Variants in KIAA0232 observed in about 807,000 individuals in gnomAD.
The protein encoded by KIAA0232 is uncharacterized protein KIAA0232.
A neutral mutation model predicts 122.0 loss-of-function variants in KIAA0232; 27 were observed. That is an observed-to-expected ratio of 0.22 (90% confidence interval 0.16 to 0.31). The LOEUF (loss-of-function observed/expected upper bound fraction) is 0.31, where lower values mean the gene tolerates loss of function less well. Among genes scored for constraint, KIAA0232 ranks in the 10% least tolerant of loss-of-function variants. The probability of loss-of-function intolerance (pLI) is 1.00; values close to 1 mark genes in which losing one functional copy is unlikely to be tolerated. For synonymous variants in KIAA0232, 613 were observed against 587.6 expected (o/e 1.04, Z -0.63); for missense variants, 1,551 against 1,634.2 (o/e 0.95, Z 0.88).
Position 6,861,053 on chromosome 4 carries a change from A to G in KIAA0232, c.671A>G (p.Asp224Gly). The G allele has an allele frequency of 6.2e-7, 1 of 1,614,210 alleles. No homozygotes were observed. Among genetic ancestry groups the G allele is most frequent in the Non-Finnish European group, 8.5e-7 (1 of 1,180,040 alleles). ...PASTDTSSPKDCNSESEVTKE... is the reference protein window; with the variant it reads ...PASTDTSSPKGCNSESEVTKE... ...AGCACAGATACTTCCTCTCCTAAGG[A>G]CTGCAACAGTGAAAGTGAAGTCACC... Residue 224 changes from aspartate (D) to glycine (G), a missense_variant, in exon 7 of 10, where the codon GAC becomes GGC. Asp to Gly is a moderately conservative substitution (Grantham distance 94, BLOSUM62 -1). Transcript: ENST00000307659.
At chr4:6,793,628 G>A (rs976318937) in intron 1 of KIAA0232, among the ~76,000 whole-genome samples, 1 of 67,816 alleles carries the variant, frequency 1.5e-5, no homozygotes, top group African/African-American at 3.9e-5. Flanking sequence ...AGGATTATTT[G>A]GTGCTTTCTT....
chr4:6,853,842 A>T (rs961342217), intron 4 of KIAA0232, among the ~76,000 whole-genome samples: 3 of 152,208 alleles, frequency 2.0e-5, no homozygotes, highest in Non-Finnish European at 4.4e-5. Context: ...AAGTGATAGG[A>T]ATTTGTCAGG....
chr4:6,789,765 G>A (rs1223938972), intron 1 of KIAA0232, among the ~76,000 whole-genome samples: 3 of 152,156 alleles, frequency 2.0e-5, no homozygotes, highest in Non-Finnish European at 4.4e-5. Context: ...ATGCTGGCTT[G>A]CCTATAATTC....
chr4:6,863,710 C>T lies in KIAA0232; in HGVS notation c.3328C>T (p.Pro1110Ser). ...GATCTCTCCTCGGACTCACTTTCGC[C>T]CAATTTCTGCATCCGAACTGTCCCC... is the stretch of plus-strand genomic sequence containing the variant. ...IRISPRTHFR[P>S]ISASELSPGG... The change falls in exon 7 of 10, where the codon CCA becomes TCA. Residue 1110 changes from proline (P) to serine (S), a missense_variant. By Grantham distance (74) the Pro-to-Ser change is moderately conservative (BLOSUM62 -1). This residue lies in a region of KIAA0232 where 1,108 missense variants were observed against 1,154.8 expected (regional missense o/e 0.96). Transcript: ENST00000307659. The T allele has an allele frequency of 3.1e-6, 5 of 1,614,126 alleles. No individual in the cohort carries two copies. The highest frequency in any genetic ancestry group is 4.2e-6 in the Non-Finnish European group (5 of 1,180,020).
chr4:6,846,390 C>G (rs1274907475), intron 4 of KIAA0232, among the ~76,000 whole-genome samples: 1 of 152,158 alleles, frequency 6.6e-6, no homozygotes, highest in South Asian at 2.1e-4. Flanking sequence ...GAACAGCGAG[C>G]AAGCTTTACC....
At chr4:6,818,804 TC>T (rs1718269740) in intron 2 of KIAA0232, among the ~76,000 whole-genome samples, 1 of 151,752 alleles carries the variant, frequency 6.6e-6, no homozygotes, top group South Asian at 2.1e-4. Flanking sequence ...ACTAGTGGTT[TC>T]GTGTTACCTG....
intron 7 of KIAA0232, among the ~76,000 whole-genome samples, chr4:6,865,069 A>G (rs1037348155): frequency 6.6e-6 from 1 of 151,498 alleles, no homozygotes; most frequent in Admixed American, 6.7e-5. Flanking sequence ...TGTGGATTAT[A>G]TGTTAAGGCT....
Position 6,863,360 on chromosome 4 carries a change from T to G in KIAA0232, c.2978T>G (p.Phe993Cys). The change falls in exon 7 of 10, where the codon TTC (phenylalanine) becomes TGC (cysteine). Residue 993 changes from phenylalanine (F) to cysteine (C), a missense_variant. Transcript: ENST00000307659. Reference sequence around the variant, plus strand: ...GGGCACAGGCAGTTATGGAAACCCTTCGTGTCATTTGAACAGAATGATCAG... The same window carrying G: ...GGGCACAGGCAGTTATGGAAACCCTGCGTGTCATTTGAACAGAATGATCAG... ...APGHRQLWKP[F>C]VSFEQNDQPK... The G allele has an allele frequency of 1.4e-5, 23 of 1,614,182 alleles. No homozygotes were observed. The highest frequency in any genetic ancestry group is 1.9e-5 in the Non-Finnish European group (22 of 1,180,038).
chr4:6,821,266 G>T (rs987336778), intron 2 of KIAA0232, among the ~76,000 whole-genome samples: 3 of 151,964 alleles, frequency 2.0e-5, no homozygotes, highest in African/African-American at 7.3e-5. Context: ...ACAGGTGATA[G>T]TTACATGAGT....
In KIAA0232 at chr4:6,863,224, G is replaced by C; in HGVS notation, c.2842G>C (p.Val948Leu). 1 of 1,613,950 alleles carries C rather than the reference G, an allele frequency of 6.2e-7. No homozygotes were observed. Among genetic ancestry groups the C allele is most frequent in the Non-Finnish European group, 8.5e-7 (1 of 1,180,036 alleles). The change falls in exon 7 of 10, where the codon GTC becomes CTC. Residue 948 changes from valine to leucine, a missense_variant. By Grantham distance (32) the Val-to-Leu change is conservative (BLOSUM62 1). Transcript: ENST00000307659. ...KTFNSDGEWAVVPPSHTKGSL... is the reference protein window; with the variant it reads ...KTFNSDGEWALVPPSHTKGSL... ...CTTCAATAGTGATGGGGAGTGGGCA[G>C]TCGTACCACCTAGTCACACAAAAGG...
chr4:6,826,333 C>G (rs1438637082), intron 3 of KIAA0232, among the ~76,000 whole-genome samples: 2 of 152,046 alleles, frequency 1.3e-5, no homozygotes, highest in Non-Finnish European at 2.9e-5. Flanking sequence ...ATTTCCTTAC[C>G]AGAGCTCTGT....
chr4:6,844,437 C>G (rs573896784), intron 4 of KIAA0232, among the ~76,000 whole-genome samples: 2 of 151,420 alleles, frequency 1.3e-5, no homozygotes, highest in African/African-American at 4.9e-5. Flanking sequence ...TTTTCTTTTT[C>G]TTTTCTTTTT....
chr4:6,851,289 TC>T (rs1475411918), intron 4 of KIAA0232, among the ~76,000 whole-genome samples: 6 of 152,258 alleles, frequency 3.9e-5, no homozygotes, highest in Admixed American at 3.9e-4. Flanking sequence ...GACATTCAGC[TC>T]ATAGCTTTCT....
intron 2 of KIAA0232, among the ~76,000 whole-genome samples, chr4:6,821,645 C>T (rs1045259302): frequency 3.4e-5 from 5 of 148,662 alleles, no homozygotes; most frequent in African/African-American, 5.0e-5. Flanking sequence ...TATATAGATA[C>T]GTGTATATAC....
At chr4:6,796,835 T>C (rs1717154794) in intron 1 of KIAA0232, among the ~76,000 whole-genome samples, 1 of 152,216 alleles carries the variant, frequency 6.6e-6, no homozygotes, top group South Asian at 2.1e-4. Context: ...TGAGTGGCCT[T>C]AGCTACCGTG....
At chr4:6,846,533 A>G (rs1719976950) in intron 4 of KIAA0232, among the ~76,000 whole-genome samples, 1 of 151,950 alleles carries the variant, frequency 6.6e-6, no homozygotes, top group African/African-American at 2.4e-5. Flanking sequence ...TGGAAGTTTC[A>G]TCCCGAACCC....
At chr4:6,847,529 A>G (rs1466491089) in intron 4 of KIAA0232, among the ~76,000 whole-genome samples, 2 of 152,210 alleles carry the variant, frequency 1.3e-5, no homozygotes, top group Non-Finnish European at 2.9e-5. Context: ...CAGTTGGTGA[A>G]TATTTCTCCA....
intron 2 of KIAA0232, among the ~76,000 whole-genome samples, chr4:6,811,452 T>A (rs1233552588): frequency 6.6e-6 from 1 of 152,134 alleles, no homozygotes; most frequent in Non-Finnish European, 1.5e-5. Context: ...AGTTTTGCTT[T>A]TTCTTTCTGA....
At chr4:6,786,730 T>C (rs575513027) in intron 1 of KIAA0232, among the ~76,000 whole-genome samples, 3 of 152,334 alleles carry the variant, frequency 2.0e-5, no homozygotes, top group Admixed American at 1.3e-4. Context: ...TTTCACATAA[T>C]CACATAAGTG....
Sources: allele counts gnomAD v4.1 joint callset (sites outside exome capture counted in the v4.1 genomes callset), GRCh38; gene constraint gnomAD v4.1.1; regional missense constraint gnomAD v4.1.1; transcripts MANE v1.5; gene names NCBI Gene and HGNC (gene_info 2026-07-23, HGNC 2026-07-21).